The following GFI1B variants were observed in gnomAD, a reference collection of about 807,000 sequenced individuals.
The protein encoded by GFI1B is zinc finger protein Gfi-1b.
A neutral mutation model predicts 35.3 loss-of-function variants in GFI1B; 20 were observed. That is an observed-to-expected ratio of 0.57 (90% confidence interval 0.40 to 0.82). The LOEUF is 0.82. GFI1B is among the 40% of genes least tolerant of loss of function. The pLI is 0.00. For missense variants in GFI1B, 430 were observed against 446.3 expected (o/e 0.96, Z 0.33); for synonymous variants, 178 against 177.6 (o/e 1.00, Z -0.02).
At chr9:132,977,364 T>C (rs1848662206), upstream of GFI1B, among the ~76,000 whole-genome samples, 1 of 152,104 alleles carries the variant, frequency 6.6e-6, no homozygotes, top group Admixed American at 6.6e-5. Flanking sequence ...CACCCCAGCA[T>C]TACTGAGGCC....
intron 1 of GFI1B, among the ~76,000 whole-genome samples, chr9:132,949,286 C>CAA (rs1452897034): frequency 2.0e-5 from 3 of 150,018 alleles, no homozygotes; most frequent in South Asian, 4.2e-4. Context: ...CACACACACA[C>CAA]ACACACACAC....
intron 2 of GFI1B, among the ~76,000 whole-genome samples, chr9:132,973,439 C>T (rs559587379): frequency 9.2e-5 from 14 of 152,340 alleles, no homozygotes; most frequent in East Asian, 5.8e-4. Context: ...GGCCCACGCC[C>T]GTTGTCCACA....
intron 1 of GFI1B, among the ~76,000 whole-genome samples, chr9:132,982,249 T>G (rs1334105018): frequency 6.6e-6 from 1 of 152,200 alleles, no homozygotes; most frequent in African/African-American, 2.4e-5. Flanking sequence ...TAGAAATCTC[T>G]TAGCCCAACC....
rs115926310 is a variant in GFI1B at position 132,971,338 on chromosome 9, C to T, written c.-700-1387C>T. Among the ~76,000 whole-genome samples the T allele has an allele frequency of 4.3e-3, 655 of 152,276 alleles. 4 individuals are homozygous for T. The highest frequency in any genetic ancestry group is 0.015 in the African/African-American group (621 of 41,540). On this transcript the variant is annotated intron_variant, in intron 1 of 10. Coordinates refer to the GFI1B transcript ENST00000339463. ...TCCCACCCAAGTTCCCTGTGTCCCC[C>T]CCACACTCCTTCCATGCTTCTCTGA...
intron 1 of GFI1B, among the ~76,000 whole-genome samples, chr9:132,961,204 A>G (rs753113391): frequency 1.1e-4 from 17 of 152,216 alleles, no homozygotes; most frequent in Non-Finnish European, 2.2e-4. Flanking sequence ...ACAGTCAGAA[A>G]CAATAGAAGA....
At chr9:132,954,641 C>T (rs1036570318) in intron 1 of GFI1B, among the ~76,000 whole-genome samples, 8 of 151,132 alleles carry the variant, frequency 5.3e-5, no homozygotes, top group Non-Finnish European at 1.0e-4. Context: ...AGGGTGGTCT[C>T]AAACCCCTGG....
At chr9:132,992,993 A>G (rs2905083), downstream of GFI1B, among the ~76,000 whole-genome samples, 87,854 of 140,128 alleles carry the variant, frequency 0.63, 26,140 homozygotes, top group Non-Finnish European at 0.66. Context: ...AGAGAGGTCA[A>G]ACATAAAAAA....
At chr9:132,955,808 ATGTGTGTGTGTGTGTG>A (rs3049917) in intron 1 of GFI1B, among the ~76,000 whole-genome samples, 2 of 146,428 alleles carry the variant, frequency 1.4e-5, no homozygotes, top group African/African-American at 5.1e-5. Flanking sequence ...GTGTGTGTGC[ATGTGTGTGTGTGTGTG>A]TGTGTGTGTG....
chr9:132,967,141 G>A (rs1848462068), intron 1 of GFI1B, among the ~76,000 whole-genome samples: 1 of 152,166 alleles, frequency 6.6e-6, no homozygotes, highest in African/African-American at 2.4e-5. Context: ...TACTCTCTCT[G>A]TCTTCGGTGC....
chr9:132,962,125 TG>T (rs976959112), intron 1 of GFI1B, among the ~76,000 whole-genome samples: 24 of 143,352 alleles, frequency 1.7e-4, no homozygotes, highest in African/African-American at 3.7e-4. Flanking sequence ...CATACAGAAT[TG>T]TTTTTTTTTT....
chr9:132,963,130 C>T (rs1049380389), intron 1 of GFI1B, among the ~76,000 whole-genome samples: 1 of 143,618 alleles, frequency 7.0e-6, no homozygotes, highest in Admixed American at 7.0e-5. Context: ...TCTTTGTTTA[C>T]ATGTTGTACA....
At position 132,989,615 on chromosome 9, in the gene GFI1B, G is replaced by C. The variant is rs1272544162; in HGVS notation, c.649-127G>C. 1.5e-6 allele frequency: 1 copy of C among 687,876 alleles called. No homozygotes were observed. Among genetic ancestry groups the C allele is most frequent in the Non-Finnish European group, 2.5e-6 (1 of 396,536 alleles). 42.6% of individuals were successfully genotyped at this position (687,876 alleles called of 1,614,324 possible). ...GCCCCAGTTTCACCTCAGAGGCAGA[G>C]ATGAGGGGTCCCCCGGTCCTGCTCC... On this transcript the variant is annotated intron_variant, in intron 5 of 6. Transcript: ENST00000372122. The surrounding 1 kb of genome is among the most constrained non-coding windows in gnomAD (Gnocchi z 6.2).
intron 1 of GFI1B, among the ~76,000 whole-genome samples, chr9:132,965,964 C>G (rs1197798790): frequency 6.6e-6 from 1 of 152,190 alleles, no homozygotes; most frequent in Non-Finnish European, 1.5e-5. Flanking sequence ...AACAAACCTG[C>G]ATTTCCTACA....
chr9:132,988,105 C>A (rs1849142806), intron 3 of GFI1B, 92 bp from the exon 4 acceptor site: 1 of 1,234,820 alleles, frequency 8.1e-7, no homozygotes, highest in East Asian at 2.3e-5. Context: ...CTCAGCCTCC[C>A]AAAGTGCTGG....
At chr9:132,955,553 A>G (rs956735122) in intron 1 of GFI1B, among the ~76,000 whole-genome samples, 6 of 152,140 alleles carry the variant, frequency 3.9e-5, no homozygotes, top group Non-Finnish European at 7.4e-5. Flanking sequence ...TGGTCTCCCA[A>G]AGGATTGGGA....
At chr9:132,961,614 C>T (rs370660099) in intron 1 of GFI1B, among the ~76,000 whole-genome samples, 12 of 141,128 alleles carry the variant, frequency 8.5e-5, no homozygotes, top group South Asian at 6.7e-4. Flanking sequence ...TTTTTTGAGA[C>T]GGAGTCTCGC....
chr9:132,982,411 G>A (rs1848858846), intron 1 of GFI1B, among the ~76,000 whole-genome samples: 1 of 152,204 alleles, frequency 6.6e-6, no homozygotes, highest in Non-Finnish European at 1.5e-5. Flanking sequence ...CCAACTGGAA[G>A]TTAGGGTGCT....
rs1224659439 is a variant in GFI1B at position 132,988,182 on chromosome 9, T to G, written c.239-15T>G. ...GTTTAAATGAGTAACCAGGCCTGTG[T>G]CGTTATCTCCACAGAGGGCCCCATT... On this transcript the variant is annotated splice_polypyrimidine_tract_variant and intron_variant, in intron 3 of 6. Transcript: ENST00000372122. 4 of 1,612,326 alleles carry G rather than the reference T, an allele frequency of 2.5e-6. No homozygotes were observed. The South Asian group carries it at 4.4e-5, about 18-fold the overall frequency.
At chr9:132,992,151 C>T (rs1450078918), downstream of GFI1B, among the ~76,000 whole-genome samples, 1 of 152,136 alleles carries the variant, frequency 6.6e-6, no homozygotes, top group African/African-American at 2.4e-5. Flanking sequence ...GATCTTGGCC[C>T]CTTCCTCTGC....
Sources: gnomAD v4.1 joint callset for allele counts (sites outside exome capture counted in the v4.1 genomes callset) on GRCh38, gnomAD v4.1.1 for gene constraint, Gnocchi (gnomAD v3.1) non-coding constraint, MANE v1.5 for transcripts, NCBI Gene and HGNC (gene_info 2026-07-23, HGNC 2026-07-21) for gene names.